The following NLGN4Y variants were observed in gnomAD, a reference collection of about 807,000 sequenced individuals.
The protein encoded by NLGN4Y is neuroligin-4, Y-linked.
Under a neutral mutation model 8.4 loss-of-function variants are expected in NLGN4Y, and 4 were observed. That is an observed-to-expected ratio of 0.48 (90% CI 0.23 to 1.09). The LOEUF (loss-of-function observed/expected upper bound fraction) is 1.09, where lower values mean the gene tolerates loss of function less well. Ranked by LOEUF, NLGN4Y falls within the 50% of genes least tolerant of loss-of-function variation. The probability of loss-of-function intolerance (pLI) is 0.19; values close to 1 mark genes in which losing one functional copy is unlikely to be tolerated. For missense variants in NLGN4Y, 90 were observed against 192.3 expected (o/e 0.47, Z 3.15); for synonymous variants, 35 against 75.6 (o/e 0.46, Z 2.78).
rs1603502875 is a variant in NLGN4Y at position 14,702,401 on chromosome Y, G to C, written c.473-17058G>C. ...TTGTTCAGTTCCCACCTGTGAGTGA[G>C]AACATGTGGTGTTTGGTTTTTTGTC... is the stretch of plus-strand genomic sequence containing the variant. On this transcript the variant is annotated intron_variant, in intron 2 of 6. Coordinates refer to ENST00000684976, the MANE Select transcript of NLGN4Y (RefSeq NM_001365588.1). 1.9e-4 allele frequency among the ~76,000 whole-genome samples: 6 copies of C among 31,936 alleles called. No individual in the cohort carries two copies. The South Asian group carries it at 4.4e-3, about 23-fold the overall frequency. The allele number at this position is 31,936 out of a possible 37,273, so 85.7% of individuals were successfully genotyped here. A position where few individuals can be genotyped will look rare whatever the true frequency, so the allele number is the denominator to read the frequency against.
chrY:14,716,160 G>C (rs2080914726), intron 2 of NLGN4Y, among the ~76,000 whole-genome samples: 1 of 33,552 alleles, frequency 3.0e-5, no homozygotes, highest in African/African-American at 1.2e-4. Flanking sequence ...CTTTTTGAAA[G>C]TCCTCATCCT....
At chrY:14,578,791 T>C (rs2080306791) in intron 1 of NLGN4Y, among the ~76,000 whole-genome samples, 1 of 33,714 alleles carries the variant, frequency 3.0e-5, no homozygotes, top group Non-Finnish European at 7.3e-5. Flanking sequence ...TGGGTGAGGA[T>C]ACAGATGCAA....
At chrY:14,827,204 C>CAATG (rs2043151150) in intron 5 of NLGN4Y, among the ~76,000 whole-genome samples, 2 of 33,767 alleles carry the variant, frequency 5.9e-5, no homozygotes, top group South Asian at 6.7e-4. Context: ...AAAACAGGAA[C>CAATG]AATGAATAAT....
Position 14,829,810 on chromosome Y carries a change from C to A in NLGN4Y, c.952C>A (p.Arg318=), listed in dbSNP as rs1440261556. 3.3e-5 allele frequency: 13 copies of A among 396,806 alleles called. No individual in the cohort carries two copies. The Admixed American group carries it at 9.8e-4, about 30-fold the overall frequency. ...GAACTACCAGCCGGCCAAGTACACT[C>A]GGATATTGGCAGACAAGGTCGGCTG... is the stretch of plus-strand genomic sequence containing the variant. ...AVNYQPAKYT[R]ILADKVGCNM... The change falls in exon 6 of 7, where the codon CGG becomes AGG. Residue 318 remains arginine (R), a synonymous_variant. Coordinates refer to ENST00000684976, the MANE Select transcript of NLGN4Y (RefSeq NM_001365588.1).
intron 2 of NLGN4Y, among the ~76,000 whole-genome samples, chrY:14,701,223 A>G (rs955205735): frequency 6.3e-5 from 2 of 31,893 alleles, no homozygotes; most frequent in East Asian, 1.7e-3. Context: ...ACACACACAC[A>G]CACGCACAAT....
intron 1 of NLGN4Y, among the ~76,000 whole-genome samples, chrY:14,535,521 A>G (rs1603499020): frequency 3.1e-5 from 1 of 31,975 alleles, no homozygotes; most frequent in East Asian, 8.2e-4. Flanking sequence ...CATTGAAGTT[A>G]AATACCAGGG....
intron 2 of NLGN4Y, among the ~76,000 whole-genome samples, chrY:14,698,616 C>A (rs2080839548): frequency 3.1e-5 from 1 of 32,521 alleles, no homozygotes; most frequent in Non-Finnish European, 7.6e-5. Flanking sequence ...TCTATGGAAC[C>A]ATTCCCTATG....
In NLGN4Y at chrY:14,833,622, C is replaced by T. The variant is rs745657863; in HGVS notation, c.1661+3103C>T. Among the ~76,000 whole-genome samples the T allele has an allele frequency of 6.0e-4, 20 of 33,551 alleles. No homozygotes were observed. In the East Asian group the frequency reaches 0.015, roughly 26 times the overall value. 90.0% of individuals were successfully genotyped at this position (33,551 alleles called of 37,273 possible). ...TGGGAGTGATCCAATGTCCCAGGTG[C>T]CATCTGTTACCCCTTTCTTTGACTA... On this transcript the variant is annotated intron_variant, in intron 6 of 6. Transcript: ENST00000684976.
intron 2 of NLGN4Y, among the ~76,000 whole-genome samples, chrY:14,670,871 CAT>C (rs2080708086): frequency 3.0e-5 from 1 of 33,155 alleles, no homozygotes; most frequent in Non-Finnish European, 7.4e-5. Flanking sequence ...TGTATACATA[CAT>C]GTGTGTGTAG....
chrY:14,552,580 C>T (rs2080196983), intron 1 of NLGN4Y, among the ~76,000 whole-genome samples: 1 of 33,466 alleles, frequency 3.0e-5, no homozygotes, highest in Admixed American at 2.7e-4. Context: ...TTATATACCA[C>T]GATTGAGTCG....
At chrY:14,720,198 G>C in intron 3 of NLGN4Y, among the ~76,000 whole-genome samples, 3 of 33,556 alleles carry the variant, frequency 8.9e-5, no homozygotes, top group Non-Finnish European at 7.4e-5. Flanking sequence ...CTAGCTATGT[G>C]CATCTTTGTT....
chrY:14,643,723 T>G (rs2080599891), intron 2 of NLGN4Y, among the ~76,000 whole-genome samples: 5 of 33,946 alleles, frequency 1.5e-4, no homozygotes, highest in African/African-American at 2.3e-4. Context: ...TTAGGTTTAC[T>G]GTAGAATAAG....
chrY:14,685,427 C>T (rs1603502697), intron 2 of NLGN4Y, among the ~76,000 whole-genome samples: 2 of 33,122 alleles, frequency 6.0e-5, no homozygotes, highest in African/African-American at 1.2e-4. Context: ...CATTACCTTC[C>T]TCTCTCTGAC....
chrY:14,562,410 A>G (rs2080232446), intron 1 of NLGN4Y, among the ~76,000 whole-genome samples: 4 of 32,622 alleles, frequency 1.2e-4, no homozygotes, highest in African/African-American at 4.8e-4. Context: ...ATTGGTCTAT[A>G]TATCTGTTTT....
At chrY:14,574,865 A>T in intron 1 of NLGN4Y, among the ~76,000 whole-genome samples, 1 of 33,102 alleles carries the variant, frequency 3.0e-5, no homozygotes, top group African/African-American at 1.2e-4. Flanking sequence ...GTTTGGCTGG[A>T]TATGAAATTC....
chrY:14,676,900 G>A (rs765248599), intron 2 of NLGN4Y, among the ~76,000 whole-genome samples: 1 of 33,313 alleles, frequency 3.0e-5, no homozygotes, highest in Admixed American at 2.8e-4. Flanking sequence ...ATAGATATCT[G>A]CCTCTCATCA....
intron 2 of NLGN4Y, among the ~76,000 whole-genome samples, chrY:14,630,327 T>G (rs2080544031): frequency 9.2e-5 from 3 of 32,549 alleles, no homozygotes; most frequent in Non-Finnish European, 1.5e-4. Flanking sequence ...GAGAAAGGAA[T>G]GTAGGCAGCA....
intron 4 of NLGN4Y, among the ~76,000 whole-genome samples, chrY:14,774,079 G>T (rs2081116909): frequency 3.0e-5 from 1 of 33,251 alleles, no homozygotes; most frequent in South Asian, 6.8e-4. Flanking sequence ...TACCATTTAG[G>T]ACATAGACAT....
In NLGN4Y at chrY:14,844,225, T is replaced by C. The variant is rs758108688; in HGVS notation, c.*2963T>C. 1.7e-4 allele frequency: 13 copies of C among 78,609 alleles called. No individual in the cohort carries two copies. The highest frequency in any genetic ancestry group is 1.1e-3 in the African/African-American group (10 of 9,246). The allele number at this position is 78,609 out of a possible 400,897, so 19.6% of individuals were successfully genotyped here. A position where few individuals can be genotyped will look rare whatever the true frequency, so the allele number is the denominator to read the frequency against. On this transcript the variant is annotated 3_prime_UTR_variant, in exon 7 of 7. Coordinates refer to ENST00000684976, the MANE Select transcript of NLGN4Y (RefSeq NM_001365588.1). The stretch of plus-strand genomic sequence containing the variant: ...ACACTGCCTGAAAATGAGTATTTGG[T>C]TGTGTTATTTCTACCACTGTTCATT...
Sources: allele counts gnomAD v4.1 joint callset (sites outside exome capture counted in the v4.1 genomes callset), GRCh38; gene constraint gnomAD v4.1.1; transcripts MANE v1.5; gene names NCBI Gene and HGNC (gene_info 2026-07-23, HGNC 2026-07-21).